GRIN2A: variants seen among roughly 807,000 people sequenced by gnomAD.
GRIN2A encodes glutamate ionotropic receptor NMDA type subunit 2A, also known as glutamate receptor ionotropic, NMDA 2A.
In GRIN2A, 22 loss-of-function variants were observed where a neutral mutation model predicts 113.4. That is an observed-to-expected ratio of 0.19 (90% CI 0.14 to 0.28). The LOEUF is 0.28. Among genes scored for constraint, GRIN2A ranks in the 10% least tolerant of loss-of-function variants. The pLI is 1.00. For missense variants in GRIN2A, 1,502 were observed against 1,887.0 expected, an observed-to-expected ratio of 0.80 and a Z score of 3.78; for synonymous variants, 827 against 738.4, an observed-to-expected ratio of 1.12 and a Z score of -1.94.
At chr16:9,790,706 A>C (rs549867747) in intron 11 of GRIN2A, among the ~76,000 whole-genome samples, 2 of 152,214 alleles carry the variant, frequency 1.3e-5, no homozygotes, top group Non-Finnish European at 2.9e-5. Context: ...CTCTCTCTCT[A>C]GAGGTATCTA....
intron 2 of GRIN2A, among the ~76,000 whole-genome samples, chr16:10,055,063 A>G (rs1596466197): frequency 1.2e-5 from 1 of 80,548 alleles, no homozygotes; most frequent in Admixed American, 1.3e-4. Flanking sequence ...AAAAAAAAAA[A>G]AAAAAAAAAA....
chr16:10,020,196 G>A (rs1171556624), intron 2 of GRIN2A, among the ~76,000 whole-genome samples: 5 of 152,266 alleles, frequency 3.3e-5, no homozygotes, highest in South Asian at 4.1e-4. Flanking sequence ...GGTGGATGAC[G>A]AGGTCAGGAG....
chr16:10,086,648 T>A (rs953865746), intron 2 of GRIN2A, among the ~76,000 whole-genome samples: 2 of 149,786 alleles, frequency 1.3e-5, no homozygotes, highest in African/African-American at 4.9e-5. Context: ...AAAAAATATC[T>A]GGCTACATAT....
intron 2 of GRIN2A, among the ~76,000 whole-genome samples, chr16:9,978,632 T>C (rs1329026641): frequency 6.6e-6 from 1 of 152,204 alleles, no homozygotes; most frequent in Non-Finnish European, 1.5e-5. Flanking sequence ...CTCCATGACC[T>C]GGCTCAAGTT....
intron 2 of GRIN2A, among the ~76,000 whole-genome samples, chr16:10,025,852 C>A (rs368862874): frequency 6.6e-6 from 1 of 152,094 alleles, no homozygotes; most frequent in African/African-American, 2.4e-5. Flanking sequence ...ACCCTGGAGG[C>A]CAGACTTTAG....
intron 11 of GRIN2A, among the ~76,000 whole-genome samples, chr16:9,784,285 C>T (rs773314946): frequency 2.0e-5 from 3 of 151,894 alleles, no homozygotes; most frequent in Non-Finnish European, 4.4e-5. Context: ...CAAAAATTAG[C>T]CAGGCGTGGT....
intron 2 of GRIN2A, among the ~76,000 whole-genome samples, chr16:10,006,353 T>C (rs1453276453): frequency 6.6e-6 from 1 of 152,118 alleles, no homozygotes; most frequent in Non-Finnish European, 1.5e-5. Context: ...TGAGAAGAGC[T>C]GTGTGCAAGA....
rs763515161 is a variant in GRIN2A, at chr16:9,960,094, C to T, written c.415-21543G>A. 1.2e-4 allele frequency among the ~76,000 whole-genome samples: 19 copies of T among 152,108 alleles called. No individual in the cohort carries two copies. The South Asian group carries it at 3.5e-3, about 28-fold the overall frequency. On this transcript the variant is annotated intron_variant, in intron 2 of 12. Coordinates refer to ENST00000330684, the MANE Select transcript of GRIN2A (RefSeq NM_001134407.3). ...TCCAGGTTGACACCCAACTATCTGG[C>T]CCAGGTAACAGATAGTAGAACCTAG... is the stretch of plus-strand genomic sequence containing the variant.
intron 7 of GRIN2A, among the ~76,000 whole-genome samples, chr16:9,839,296 T>G (rs2042633804): frequency 6.6e-6 from 1 of 152,112 alleles, no homozygotes; most frequent in Non-Finnish European, 1.5e-5. Flanking sequence ...TCCATGAAAT[T>G]TCAACTCTAG....
intron 2 of GRIN2A, among the ~76,000 whole-genome samples, chr16:10,126,831 G>A (rs1316769272): frequency 6.6e-6 from 1 of 152,178 alleles, no homozygotes; most frequent in African/African-American, 2.4e-5. Flanking sequence ...TGTCCAAGAT[G>A]TCTCAGAAAT....
chr16:9,900,410 T>C (rs564088051), intron 3 of GRIN2A, among the ~76,000 whole-genome samples: 11 of 152,282 alleles, frequency 7.2e-5, no homozygotes, highest in Admixed American at 7.2e-4. Flanking sequence ...CACACCTGAG[T>C]CAAGGGTGAC....
intron 2 of GRIN2A, chr16:10,027,462 T>C (rs970626524): frequency 6.6e-6 from 1 of 152,236 alleles, no homozygotes; most frequent in Non-Finnish European, 1.5e-5. Flanking sequence ...TGGCTGCCCA[T>C]CCTGGGTCTG....
rs566728215 is a variant in GRIN2A, at chr16:10,067,183, G to T, written c.414+112815C>A. 7.2e-5 allele frequency among the ~76,000 whole-genome samples: 11 copies of T among 152,124 alleles called. No homozygotes were observed. The East Asian group carries it at 1.9e-3, about 27-fold the overall frequency. ...ATCCCCTATGCTTTAAAAGACACTT[G>T]CATCTGGGGCTTTTTCTGAAGCCGT... On this transcript the variant is annotated intron_variant, in intron 2 of 12. Transcript: ENST00000330684.
intron 2 of GRIN2A, among the ~76,000 whole-genome samples, chr16:10,154,135 T>G (rs2142302930): frequency 6.6e-6 from 1 of 152,228 alleles, no homozygotes; most frequent in Non-Finnish European, 1.5e-5. Flanking sequence ...CTGAAGCCCT[T>G]AAGAGCCAGC....
At chr16:10,106,570 T>G (rs1289483489) in intron 2 of GRIN2A, among the ~76,000 whole-genome samples, 1 of 152,118 alleles carries the variant, frequency 6.6e-6, no homozygotes, top group Non-Finnish European at 1.5e-5. Context: ...GGAGCGTGAC[T>G]AGTTTGTCTC....
intron 3 of GRIN2A, among the ~76,000 whole-genome samples, chr16:9,921,550 CAGAG>C (rs1306065827): frequency 6.6e-6 from 1 of 152,168 alleles, no homozygotes; most frequent in Non-Finnish European, 1.5e-5. Context: ...ACTTATTTCA[CAGAG>C]ATGTTGTGAC....
At position 9,941,585 on chromosome 16, in the gene GRIN2A, G is replaced by A. The variant is rs143492758; in HGVS notation, c.415-3034C>T. Among the ~76,000 whole-genome samples the A allele has an allele frequency of 1.6e-3, 245 of 152,230 alleles. 2 individuals are homozygous for A. The highest frequency in any genetic ancestry group is 0.014 in the Middle Eastern group (4 of 294). Reference sequence around the variant, plus strand: ...TTACCCACTATGCTGATCCCCATTCGCAGCCTCTCTGCAGAAAATGGAGAA... The same window carrying A: ...TTACCCACTATGCTGATCCCCATTCACAGCCTCTCTGCAGAAAATGGAGAA... On this transcript the variant is annotated intron_variant, in intron 2 of 12. Coordinates refer to ENST00000330684, the MANE Select transcript of GRIN2A (RefSeq NM_001134407.3).
intron 11 of GRIN2A, among the ~76,000 whole-genome samples, chr16:9,787,504 C>T (rs1467418893): frequency 2.0e-5 from 3 of 152,158 alleles, no homozygotes; most frequent in Admixed American, 6.5e-5. Context: ...ACATGTAAAA[C>T]CAGGCTGTAG....
At chr16:10,082,872 T>A (rs536321755) in intron 2 of GRIN2A, among the ~76,000 whole-genome samples, 108 of 152,372 alleles carry the variant, frequency 7.1e-4, no homozygotes, top group Middle Eastern at 6.8e-3. Context: ...TTCTCCCACA[T>A]GGGCTTCCTT....
Sources: gnomAD v4.1 joint callset for allele counts (sites outside exome capture counted in the v4.1 genomes callset) on GRCh38, gnomAD v4.1.1 for gene constraint, MANE v1.5 for transcripts, NCBI Gene and HGNC (gene_info 2026-07-23, HGNC 2026-07-21) for gene names.